ETV6: variants seen among roughly 807,000 people sequenced by gnomAD.
The protein encoded by ETV6 is ETS variant transcription factor 6.
A neutral mutation model predicts 51.1 loss-of-function variants in ETV6; 16 were observed. The ratio of observed to expected loss-of-function variants is 0.31; its 90% confidence interval spans 0.21 to 0.48. ETV6 has a LOEUF of 0.48. ETV6 is among the 20% of genes least tolerant of loss of function. ETV6 has a pLI of 0.99. For missense variants in ETV6, 458 were observed against 594.8 expected, an observed-to-expected ratio of 0.77 and a Z score of 2.39; for synonymous variants, 240 against 224.1, an observed-to-expected ratio of 1.07 and a Z score of -0.64.
intron 2 of ETV6, among the ~76,000 whole-genome samples, chr12:11,819,557 T>TA (rs890284434): frequency 2.0e-5 from 3 of 152,220 alleles, no homozygotes; most frequent in Admixed American, 2.0e-4. Flanking sequence ...GTTGTACAGT[T>TA]ACCTCACATT....
intron 3 of ETV6, among the ~76,000 whole-genome samples, chr12:11,841,998 C>T (rs1353003591): frequency 1.3e-5 from 2 of 149,052 alleles, no homozygotes; most frequent in Admixed American, 6.7e-5. Flanking sequence ...AGGAGAATGG[C>T]GTGAACCCGG....
chr12:11,661,867 C>T lies in ETV6; in HGVS notation c.33+11707C>T, dbSNP rs547515582. The stretch of plus-strand genomic sequence containing the variant: ...AGTGAGGAGATGAGGGTGTGCTCCT[C>T]TGCAGGCAGAAGTCAGCTGTAGGTC... On this transcript the variant is annotated intron_variant, in intron 1 of 7. Coordinates refer to ENST00000396373, the MANE Select transcript of ETV6 (RefSeq NM_001987.5). 6.6e-5 allele frequency among the ~76,000 whole-genome samples: 10 copies of T among 152,296 alleles called. No homozygotes were observed. The East Asian group carries it at 1.5e-3, about 24-fold the overall frequency.
intron 2 of ETV6, among the ~76,000 whole-genome samples, chr12:11,829,534 C>T (rs549766935): frequency 1.3e-5 from 2 of 152,198 alleles, no homozygotes; most frequent in African/African-American, 4.8e-5. Flanking sequence ...GGCTTGCTAC[C>T]CAGAAGCAAA....
At chr12:11,684,430 A>C (rs1565485024) in intron 1 of ETV6, among the ~76,000 whole-genome samples, 1 of 152,230 alleles carries the variant, frequency 6.6e-6, no homozygotes, top group Non-Finnish European at 1.5e-5. Context: ...GTTCAGTTAA[A>C]TAGATGGAAT....
intron 1 of ETV6, among the ~76,000 whole-genome samples, chr12:11,687,878 A>T (rs1864666547): frequency 6.6e-6 from 1 of 152,254 alleles, no homozygotes; most frequent in Non-Finnish European, 1.5e-5. Context: ...TGTGAACTGG[A>T]ATAATGATAA....
intron 4 of ETV6, among the ~76,000 whole-genome samples, chr12:11,857,792 G>A (rs960543425): frequency 1.3e-4 from 20 of 152,228 alleles, no homozygotes; most frequent in African/African-American, 4.8e-4. Context: ...TAAGGGCTAA[G>A]TTTCTCATTC....
intron 7 of ETV6, among the ~76,000 whole-genome samples, chr12:11,890,572 TGCACACCACCGTACCCAGA>T (rs1947271515): frequency 6.7e-6 from 1 of 150,306 alleles, no homozygotes; most frequent in South Asian, 2.1e-4. Context: ...GGACTACAGG[TGCACACCACCGTACCCAGA>T]TTTTTTTTTT....
chr12:11,676,327 C>T (rs571441437), intron 1 of ETV6, among the ~76,000 whole-genome samples: 6 of 152,314 alleles, frequency 3.9e-5, no homozygotes, highest in Admixed American at 2.0e-4. Context: ...TCTCCCTCCC[C>T]CAGTCCCAGA....
intron 1 of ETV6, among the ~76,000 whole-genome samples, chr12:11,749,139 A>G: frequency 6.6e-6 from 1 of 152,168 alleles, no homozygotes. Context: ...TAATGTAACC[A>G]CATCACGGCA....
intron 2 of ETV6, among the ~76,000 whole-genome samples, chr12:11,784,119 C>T (rs574125351): frequency 6.6e-6 from 1 of 152,162 alleles, no homozygotes; most frequent in South Asian, 2.1e-4. Flanking sequence ...CTGCTATGTG[C>T]CAAGTGTGTT....
intron 2 of ETV6, among the ~76,000 whole-genome samples, chr12:11,818,624 G>C (rs1350706529): frequency 6.6e-6 from 1 of 152,064 alleles, no homozygotes; most frequent in East Asian, 1.9e-4. Flanking sequence ...GTGTGGTTTG[G>C]GTTTTATACC....
At chr12:11,728,731 A>G (rs1345048989) in intron 1 of ETV6, among the ~76,000 whole-genome samples, 9 of 152,226 alleles carry the variant, frequency 5.9e-5, no homozygotes, top group Non-Finnish European at 1.3e-4. Context: ...GTTAAGATTT[A>G]TGACATTAGC....
chr12:11,723,029 G>T (rs1232415726), intron 1 of ETV6, among the ~76,000 whole-genome samples: 1 of 152,204 alleles, frequency 6.6e-6, no homozygotes, highest in Non-Finnish European at 1.5e-5. Flanking sequence ...GAGAAGCTGA[G>T]CTCCGAAGTC....
chr12:11,864,096 C>T (rs548956735), intron 4 of ETV6, among the ~76,000 whole-genome samples: 5 of 152,310 alleles, frequency 3.3e-5, no homozygotes, highest in Admixed American at 2.6e-4. Flanking sequence ...TTGGATTATC[C>T]AAAGCACTAT....
In ETV6 at chr12:11,669,447, T is replaced by TCTCTCTTTTCTTTCTTTC. The variant is rs1482766643; in HGVS notation, c.33+19290_33+19307dup. Among the ~76,000 whole-genome samples, 11 of 140,748 alleles carry TCTCTCTTTTCTTTCTTTC rather than the reference T, an allele frequency of 7.8e-5. No homozygotes were observed. The East Asian group carries it at 2.5e-3, about 31-fold the overall frequency. 92.3% of individuals were successfully genotyped at this position (140,748 alleles called of 152,430 possible). A position where few individuals can be genotyped will look rare whatever the true frequency, so the allele number is the denominator to read the frequency against. On this transcript the variant is annotated intron_variant, in intron 1 of 7. Coordinates refer to ENST00000396373, the MANE Select transcript of ETV6 (RefSeq NM_001987.5). The stretch of plus-strand genomic sequence containing the variant: ...CTTTCTTCCTTTCTTCCCTTTCTTT[T>TCTCTCTTTTCTTTCTTTC]CTCTCTTTTCTTTCTTTCCTTTCTT...
At chr12:11,827,347 C>A (rs901532038) in intron 2 of ETV6, among the ~76,000 whole-genome samples, 18 of 152,106 alleles carry the variant, frequency 1.2e-4, no homozygotes, top group African/African-American at 3.4e-4. Flanking sequence ...TGGAAGCACT[C>A]TCCAAAGAGC....
At chr12:11,878,515 G>A (rs1263728251) in intron 5 of ETV6, among the ~76,000 whole-genome samples, 2 of 152,014 alleles carry the variant, frequency 1.3e-5, no homozygotes, top group Admixed American at 6.6e-5. Context: ...TGTGAGTTTC[G>A]GATACCGGTG....
intron 2 of ETV6, among the ~76,000 whole-genome samples, chr12:11,771,170 G>A (rs1442933679): frequency 6.6e-6 from 1 of 152,224 alleles, no homozygotes; most frequent in Non-Finnish European, 1.5e-5. Context: ...AAGATATTGT[G>A]TCAAAAATAG....
At chr12:11,758,251 G>T (rs897022882) in intron 2 of ETV6, among the ~76,000 whole-genome samples, 5 of 152,192 alleles carry the variant, frequency 3.3e-5, no homozygotes, top group African/African-American at 1.2e-4. Flanking sequence ...ACTAATGAGG[G>T]CTTCTTAGAA....
Sources: allele counts gnomAD v4.1 joint callset (sites outside exome capture counted in the v4.1 genomes callset), GRCh38; gene constraint gnomAD v4.1.1; transcripts MANE v1.5; gene names NCBI Gene and HGNC (gene_info 2026-07-23, HGNC 2026-07-21).